KIF18B: variants seen among roughly 807,000 people sequenced by gnomAD.
KIF18B encodes kinesin family member 18B.
KIF18B carries 49 observed loss-of-function variants against 80.9 expected under a neutral mutation model. The ratio of observed to expected loss-of-function variants is 0.61; its 90% confidence interval spans 0.48 to 0.77. KIF18B has a LOEUF of 0.77. Among genes scored for constraint, KIF18B ranks in the 30% least tolerant of loss-of-function variants. The pLI is 0.00. For missense variants in KIF18B, 994 were observed against 1,127.7 expected, an observed-to-expected ratio of 0.88 and a Z score of 1.70; for synonymous variants, 439 against 463.9, an observed-to-expected ratio of 0.95 and a Z score of 0.69.
rs911508606 is a variant in KIF18B at position 44,927,612 on chromosome 17, A to C, written c.2276+414T>G. On this transcript the variant is annotated intron_variant, in intron 13 of 15. Coordinates refer to ENST00000593135, the MANE Select transcript of KIF18B (RefSeq NM_001265577.2). This position sits in a 1 kb window ranked among gnomAD's most constrained non-coding sequence, Gnocchi z 4.1. ...TTCCAGATGCTGGGCCGGAGGCCAAAATCTGGAGTAGAAGTGGCAGAAAGA... is the reference window on the plus strand; with the variant it reads ...TTCCAGATGCTGGGCCGGAGGCCAACATCTGGAGTAGAAGTGGCAGAAAGA... Among the ~76,000 whole-genome samples, 1 of 152,250 alleles carries C rather than the reference A, an allele frequency of 6.6e-6. No individual in the cohort carries two copies. Among genetic ancestry groups the C allele is most frequent in the African/African-American group, 2.4e-5 (1 of 41,474 alleles).
rs575544927 is a variant in KIF18B, at chr17:44,933,474, C to T, written c.1062+449G>A. 2.6e-5 allele frequency among the ~76,000 whole-genome samples: 4 copies of T among 152,106 alleles called. No homozygotes were observed. In the South Asian group the frequency reaches 6.2e-4, roughly 24 times the overall value. On this transcript the variant is annotated intron_variant, in intron 7 of 15. Transcript: ENST00000593135. ...GACTGTGTCGCTTCTATCACAAAGA[C>T]TCTCTGAAGACAGAGGAACTTCTTT...
chr17:44,931,629 C>T lies in KIF18B; in HGVS notation c.1490G>A (p.Arg497Gln), dbSNP rs771114621. The change falls in exon 11 of 16, where the codon CGG (arginine) becomes CAG (glutamine). Residue 497 changes from arginine to glutamine, a missense_variant. Coordinates refer to ENST00000593135, the MANE Select transcript of KIF18B (RefSeq NM_001265577.2). Reference sequence around the variant, plus strand: ...CTTAGAACGGTCCCCATCCAGTTCCCGTGCTGAGAAGTGGCCCACGACTGG... The same window carrying T: ...CTTAGAACGGTCCCCATCCAGTTCCTGTGCTGAGAAGTGGCCCACGACTGG... ...PKPVVGHFSA[R>Q]ELDGDRSKQL... 8.1e-6 allele frequency: 13 copies of T among 1,613,824 alleles called. No homozygotes were observed. The highest frequency in any genetic ancestry group is 5.3e-5 in the African/African-American group (4 of 74,888).
chr17:44,929,562 C>T (rs1333093406), intron 11 of KIF18B, among the ~76,000 whole-genome samples: 1 of 152,144 alleles, frequency 6.6e-6, no homozygotes, highest in Non-Finnish European at 1.5e-5. Flanking sequence ...TAACAAATGC[C>T]CCCACCTCAT....
At chr17:44,937,977 T>TACAC (rs57130293) in intron 1 of KIF18B, among the ~76,000 whole-genome samples, 7,158 of 143,932 alleles carry the variant, frequency 0.05, 206 homozygotes, top group African/African-American at 0.085. Context: ...AGCATCTCCA[T>TACAC]ACACACACAC....
At position 44,926,060 on chromosome 17, in the gene KIF18B, T is replaced by A; in HGVS notation, c.*20A>T. ...GGGCCGGTAGGTTAGGACACCTTGG[T>A]GGTCAGGACATTCTGGCGGTCAGGA... On this transcript the variant is annotated 3_prime_UTR_variant, in exon 16 of 16. Transcript: ENST00000593135. 1 of 1,613,610 alleles carries A rather than the reference T, an allele frequency of 6.2e-7. No individual in the cohort carries two copies. Among genetic ancestry groups the A allele is most frequent in the East Asian group, 2.2e-5 (1 of 44,886 alleles).
chr17:44,931,502 C>G (rs1406122061), intron 11 of KIF18B, 100 bp downstream of exon 11: 1 of 1,497,994 alleles, frequency 6.7e-7, no homozygotes, highest in Admixed American at 1.7e-5. Flanking sequence ...GATGAAGAGA[C>G]AGGGCTTTTG....
intron 11 of KIF18B, among the ~76,000 whole-genome samples, chr17:44,931,280 A>C (rs947939467): frequency 6.6e-6 from 1 of 152,094 alleles, no homozygotes; most frequent in Non-Finnish European, 1.5e-5. Flanking sequence ...CTTGCTGTGG[A>C]GGGGCAGCCT....
At position 44,928,858 on chromosome 17, in the gene KIF18B, T is replaced by A; in HGVS notation, c.1684A>T (p.Arg562Trp). The change falls in exon 12 of 16, where the codon AGG (arginine) becomes TGG (tryptophan). Residue 562 changes from arginine (R) to tryptophan (W), a missense_variant. By Grantham distance (101) the Arg-to-Trp change is moderately radical. Coordinates refer to ENST00000593135, the MANE Select transcript of KIF18B (RefSeq NM_001265577.2). ...AGCTCCTGAGCCAGAGGTGCCCCCCTGGCCAGGCCTGAAGTCCTCAAGGCC... is the reference window on the plus strand; with the variant it reads ...AGCTCCTGAGCCAGAGGTGCCCCCCAGGCCAGGCCTGAAGTCCTCAAGGCC... ...AEALRTSGLARGAPLAQELCS... is the reference protein window; with the variant it reads ...AEALRTSGLAWGAPLAQELCS... 1.2e-6 allele frequency: 2 copies of A among 1,613,874 alleles called. No homozygotes were observed. Among genetic ancestry groups the A allele is most frequent in the Non-Finnish European group, 1.7e-6 (2 of 1,179,816 alleles).
At chr17:44,940,148 T>G (rs1400156719) in intron 1 of KIF18B, among the ~76,000 whole-genome samples, 1 of 152,286 alleles carries the variant, frequency 6.6e-6, no homozygotes, top group Non-Finnish European at 1.5e-5. Context: ...GATTTCTGCA[T>G]GCAGATCTTG....
In KIF18B at chr17:44,934,933, C is replaced by T; in HGVS notation, c.474G>A (p.Val158=). 1 of 1,531,558 alleles carries T rather than the reference C, an allele frequency of 6.5e-7. No homozygotes were observed. The highest frequency in any genetic ancestry group is 1.2e-5 in the South Asian group (1 of 83,486). The allele number at this position is 1,531,558 out of a possible 1,614,324, so 94.9% of individuals were successfully genotyped here. A position where few individuals can be genotyped will look rare whatever the true frequency, so the allele number is the denominator to read the frequency against. ...GGAGGTCATGGATCTGTTCATTATA[C>T]ACCTGAGAAAGGAAGAAAGGAAGAG... ...HFEVLISYQE[V]YNEQIHDLLE... is the part of the protein sequence containing the mutation. Residue 158 remains valine (V), a splice_region_variant and synonymous_variant, in exon 4 of 16, where the codon GTG becomes GTA. Coordinates refer to ENST00000593135, the MANE Select transcript of KIF18B (RefSeq NM_001265577.2). The surrounding 1 kb of genome is among the most constrained non-coding windows in gnomAD (Gnocchi z 5.4).
chr17:44,940,789 G>A (rs539660323), intron 1 of KIF18B, among the ~76,000 whole-genome samples: 8 of 152,310 alleles, frequency 5.3e-5, no homozygotes, highest in African/African-American at 1.9e-4. Context: ...AAACAGCTAA[G>A]GTTTTCCTTG....
intron 1 of KIF18B, among the ~76,000 whole-genome samples, chr17:44,938,023 TA>T (rs1313973728): frequency 3.5e-4 from 53 of 151,006 alleles, no homozygotes; most frequent in African/African-American, 1.1e-3. Context: ...CACACATATA[TA>T]TTTTTTTTGA....
At chr17:44,932,033 G>A (rs1201216723) in intron 10 of KIF18B, 23 bp downstream of exon 10, 2 of 1,591,916 alleles carry the variant, frequency 1.3e-6, no homozygotes. Context: ...CCGATACCCA[G>A]GCCTCACACC....
In KIF18B at chr17:44,934,999, G is replaced by A. The variant is rs138005605; in HGVS notation, c.472-64C>T. Reference sequence around the variant, plus strand: ...GCCCATCAGGAAACCTCTCCCTAGCGGCTGGACAGGGGAGCTGAGGCCGGG... The same window carrying A: ...GCCCATCAGGAAACCTCTCCCTAGCAGCTGGACAGGGGAGCTGAGGCCGGG... On this transcript the variant is annotated intron_variant, in intron 3 of 15. Coordinates refer to ENST00000593135, the MANE Select transcript of KIF18B (RefSeq NM_001265577.2). The surrounding 1 kb of genome is among the most constrained non-coding windows in gnomAD (Gnocchi z 5.4). 1,080 of 1,193,316 alleles carry A rather than the reference G, an allele frequency of 9.1e-4. 7 individuals are homozygous for A. In the East Asian group the frequency reaches 0.02, roughly 22 times the overall value. 73.9% of individuals were successfully genotyped at this position (1,193,316 alleles called of 1,614,324 possible).
rs772984395 is a variant in KIF18B at position 44,928,928 on chromosome 17, G to A, written c.1614C>T (p.Thr538=). 2.0e-5 allele frequency: 32 copies of A among 1,613,874 alleles called. No individual in the cohort carries two copies. The highest frequency in any genetic ancestry group is 1.1e-5 in the South Asian group (1 of 91,080). The change falls in exon 12 of 16, where the codon ACC becomes ACT. Residue 538 remains threonine, a synonymous_variant. Coordinates refer to ENST00000593135, the MANE Select transcript of KIF18B (RefSeq NM_001265577.2). ...LTPDMITEFE[T]LQQLVQEEKI... is the part of the protein sequence containing the mutation. ...TTTCCTCTTGCACCAGCTGCTGTAGGGTCTCAAACTCTGTGATCATGTCGG... is the reference window on the plus strand; with the variant it reads ...TTTCCTCTTGCACCAGCTGCTGTAGAGTCTCAAACTCTGTGATCATGTCGG...
Position 44,927,693 on chromosome 17 carries a change from G to C in KIF18B, c.2276+333C>G, listed in dbSNP as rs2052058682. 6.6e-6 allele frequency among the ~76,000 whole-genome samples: 1 copy of C among 152,244 alleles called. No individual in the cohort carries two copies. The highest frequency in any genetic ancestry group is 1.5e-5 in the Non-Finnish European group (1 of 68,046). On this transcript the variant is annotated intron_variant, in intron 13 of 15. Transcript: ENST00000593135. The surrounding 1 kb of genome is among the most constrained non-coding windows in gnomAD (Gnocchi z 4.1). The stretch of plus-strand genomic sequence containing the variant: ...CCAGGCCAAAGAGCCCAAGTAAAGA[G>C]AGGAACAGAAGTGTTGGGTTCCCCT...
intron 11 of KIF18B, among the ~76,000 whole-genome samples, chr17:44,930,857 G>C (rs983587658): frequency 1.3e-5 from 2 of 152,140 alleles, no homozygotes; most frequent in Admixed American, 1.3e-4. Flanking sequence ...TGATAAGCAG[G>C]AGACAGATAA....
chr17:44,939,093 G>A (rs888148489), intron 1 of KIF18B, among the ~76,000 whole-genome samples: 16 of 150,960 alleles, frequency 1.1e-4, no homozygotes, highest in East Asian at 1.9e-4. Context: ...AATTTGTGCC[G>A]GGTGCGGTGG....
At chr17:44,937,625 T>C (rs1371992050) in intron 1 of KIF18B, among the ~76,000 whole-genome samples, 2 of 152,230 alleles carry the variant, frequency 1.3e-5, no homozygotes, top group Non-Finnish European at 2.9e-5. Flanking sequence ...CCAAACTCTC[T>C]TATTAATTTC....
Sources: gnomAD v4.1 joint callset for allele counts (sites outside exome capture counted in the v4.1 genomes callset) on GRCh38, gnomAD v4.1.1 for gene constraint, Gnocchi (gnomAD v3.1) non-coding constraint, MANE v1.5 for transcripts, NCBI Gene and HGNC (gene_info 2026-07-23, HGNC 2026-07-21) for gene names.